The following SPRED2 variants were observed in gnomAD, a reference collection of about 807,000 sequenced individuals.
SPRED2 encodes sprouty-related, EVH1 domain-containing protein 2.
A neutral mutation model predicts 43.0 loss-of-function variants in SPRED2; 47 were observed. The observed-to-expected ratio is 1.09, with a 90% CI of 0.87 to 1.40. The LOEUF (loss-of-function observed/expected upper bound fraction) is 1.40, where lower values mean the gene tolerates loss of function less well. SPRED2 is among the 40% of genes most tolerant of loss of function. The probability of loss-of-function intolerance (pLI) is 0.00; values close to 1 mark genes in which losing one functional copy is unlikely to be tolerated. For missense variants in SPRED2, 561 were observed against 586.4 expected (o/e 0.96, Z 0.45); for synonymous variants, 225 against 225.7 (o/e 1.00, Z 0.03).
At chr2:65,360,968 G>A (rs974995729) in intron 1 of SPRED2, among the ~76,000 whole-genome samples, 64 of 152,324 alleles carry the variant, frequency 4.2e-4, no homozygotes, top group Admixed American at 4.1e-3. Flanking sequence ...ACTTTGGGAG[G>A]CCAAAGCAGG....
chr2:65,356,559 G>GTGT (rs1674658471), intron 1 of SPRED2, among the ~76,000 whole-genome samples: 1 of 42,090 alleles, frequency 2.4e-5, no homozygotes, highest in Non-Finnish European at 4.1e-5. Context: ...TTTTTTTTTT[G>GTGT]TGTGTGTGTA....
At chr2:65,339,103 G>GC (rs1674095021) in intron 2 of SPRED2, among the ~76,000 whole-genome samples, 1 of 123,354 alleles carries the variant, frequency 8.1e-6, no homozygotes, top group African/African-American at 3.3e-5. Flanking sequence ...AGGTTGGGCG[G>GC]GGGGTCAGCG....
chr2:65,334,707 A>G lies in SPRED2; in HGVS notation c.271T>C (p.Trp91Arg). 1 of 1,614,218 alleles carries G rather than the reference A, an allele frequency of 6.2e-7. No homozygotes were observed. The highest frequency in any genetic ancestry group is 8.5e-7 in the Non-Finnish European group (1 of 1,180,040). Residue 91 changes from tryptophan (W) to arginine (R), a missense_variant, in exon 3 of 6, where the codon TGG (tryptophan) becomes CGG (arginine). Around this residue, in one of 6 missense-constraint regions of SPRED2, gnomAD observed 305 missense variants for 282.4 expected, o/e 1.08. Transcript: ENST00000356388. ...YTKANPTFHHWKVDNRKFGLT... is the reference protein window; with the variant it reads ...YTKANPTFHHRKVDNRKFGLT... ...CCAAACTTCCTATTATCGACCTTCC[A>G]GTGATGAAACGTTGGATTGGCTTTG...
intron 1 of SPRED2, among the ~76,000 whole-genome samples, chr2:65,374,861 A>T (rs1049496582): frequency 6.6e-6 from 1 of 152,202 alleles, no homozygotes. Flanking sequence ...ATGTGTGGAG[A>T]GCACCCAACT....
At chr2:65,367,634 G>T (rs1354323493) in intron 1 of SPRED2, among the ~76,000 whole-genome samples, 4 of 152,120 alleles carry the variant, frequency 2.6e-5, no homozygotes, top group African/African-American at 9.7e-5. Context: ...TGCGGCTGTT[G>T]TGAGTGTTGC....
chr2:65,344,706 T>C lies in SPRED2; in HGVS notation c.204+13A>G, dbSNP rs780165472. 7 of 1,613,354 alleles carry C rather than the reference T, an allele frequency of 4.3e-6. No individual in the cohort carries two copies. The highest frequency in any genetic ancestry group is 8.5e-7 in the Non-Finnish European group (1 of 1,179,300). On this transcript the variant is annotated intron_variant, in intron 2 of 5. Coordinates refer to ENST00000356388, the MANE Select transcript of SPRED2 (RefSeq NM_181784.3). Reference sequence around the variant, plus strand: ...TTACTAATTTAACCCACGAGTTGTATGTCTGCCATTACCAGTTTGTCTTTC... The same window carrying C: ...TTACTAATTTAACCCACGAGTTGTACGTCTGCCATTACCAGTTTGTCTTTC...
chr2:65,332,155 C>T (rs1392972573), intron 3 of SPRED2, 104 bp from the exon 4 acceptor site: 1 of 635,582 alleles, frequency 1.6e-6, no homozygotes, highest in East Asian at 3.2e-5. Context: ...ATTCTTTTTG[C>T]ATGTGAATTA....
chr2:65,359,794 G>A (rs1674751616), intron 1 of SPRED2, among the ~76,000 whole-genome samples: 1 of 152,092 alleles, frequency 6.6e-6, no homozygotes, highest in African/African-American at 2.4e-5. Context: ...GCCAGGTGCG[G>A]TGGCTCATGC....
chr2:65,429,519 A>G (rs1676629868), intron 1 of SPRED2, among the ~76,000 whole-genome samples: 1 of 152,232 alleles, frequency 6.6e-6, no homozygotes, highest in Non-Finnish European at 1.5e-5. Context: ...AGCAAACAAC[A>G]ATAAAACAAC....
At chr2:65,357,830 C>A (rs193180489) in intron 1 of SPRED2, among the ~76,000 whole-genome samples, 1 of 152,254 alleles carries the variant, frequency 6.6e-6, no homozygotes, top group East Asian at 1.9e-4. Flanking sequence ...CCTAACCTGA[C>A]CTAACCTCCA....
intron 1 of SPRED2, among the ~76,000 whole-genome samples, chr2:65,360,070 A>C (rs1421453235): frequency 2.1e-4 from 20 of 94,938 alleles, no homozygotes; most frequent in African/African-American, 3.6e-4. Flanking sequence ...ATCTCAAAAA[A>C]AAAAAAAACA....
chr2:65,379,931 T>C (rs1675332866), intron 1 of SPRED2, among the ~76,000 whole-genome samples: 1 of 152,156 alleles, frequency 6.6e-6, no homozygotes, highest in African/African-American at 2.4e-5. Flanking sequence ...GGGACATGCA[T>C]TCTTCCTCCA....
chr2:65,337,915 T>C (rs1490000988), intron 2 of SPRED2, among the ~76,000 whole-genome samples: 1 of 152,220 alleles, frequency 6.6e-6, no homozygotes, highest in South Asian at 2.1e-4. Context: ...TTAAAAAATG[T>C]AGTTTTTTTG....
At chr2:65,336,390 A>G (rs941071593) in intron 2 of SPRED2, among the ~76,000 whole-genome samples, 2 of 151,892 alleles carry the variant, frequency 1.3e-5, no homozygotes, top group African/African-American at 2.4e-5. Context: ...AAATAAATTA[A>G]GGGTTGTCTA....
At chr2:65,337,161 G>T (rs1241575805) in intron 2 of SPRED2, among the ~76,000 whole-genome samples, 1 of 152,074 alleles carries the variant, frequency 6.6e-6, no homozygotes, top group Admixed American at 6.6e-5. Flanking sequence ...ATTAAGTGAG[G>T]GGGGAAATCA....
At chr2:65,309,909 T>C (rs1327078103), downstream of SPRED2, among the ~76,000 whole-genome samples, 1 of 152,112 alleles carries the variant, frequency 6.6e-6, no homozygotes, top group Non-Finnish European at 1.5e-5. Flanking sequence ...TGAGGCCTGG[T>C]AAGGACCTGG....
At position 65,422,104 on chromosome 2, in the gene SPRED2, A is replaced by ACACACACTCT. The variant is rs1299857849; in HGVS notation, c.26+9857_26+9858insAGAGTGTGTG. Among the ~76,000 whole-genome samples, 127 of 129,028 alleles carry ACACACACTCT rather than the reference A, an allele frequency of 9.8e-4. 1 individual carries two copies. Among genetic ancestry groups the ACACACACTCT allele is most frequent in the Admixed American group, 1.7e-3 (22 of 13,026 alleles). The allele number at this position is 129,028 out of a possible 152,430, so 84.6% of individuals were successfully genotyped here. On this transcript the variant is annotated intron_variant, in intron 1 of 5. Coordinates refer to ENST00000356388, the MANE Select transcript of SPRED2 (RefSeq NM_181784.3). ...CACACACACACACACACACACACAC[A>ACACACACTCT]CTCTCTCTCTCTCTCTCTCTCTCTC...
intron 1 of SPRED2, among the ~76,000 whole-genome samples, chr2:65,365,925 AT>A (rs139284918): frequency 0.019 from 2,865 of 152,352 alleles, 47 homozygotes; most frequent in Middle Eastern, 0.037. Context: ...CCTTCAGATC[AT>A]GTGAACGCTA....
chr2:65,326,922 C>A (rs978135403), intron 4 of SPRED2, among the ~76,000 whole-genome samples: 1 of 152,094 alleles, frequency 6.6e-6, no homozygotes, highest in East Asian at 1.9e-4. Context: ...CTCACTGCAG[C>A]CTTGACCTCT....
Sources: gnomAD v4.1 joint callset for allele counts (sites outside exome capture counted in the v4.1 genomes callset) on GRCh38, gnomAD v4.1.1 for gene constraint, gnomAD v4.1.1 regional missense constraint, MANE v1.5 for transcripts, NCBI Gene and HGNC (gene_info 2026-07-23, HGNC 2026-07-21) for gene names.